NPHP4: variants seen among roughly 807,000 people sequenced by gnomAD.
NPHP4 encodes the protein nephrocystin-4.
NPHP4 carries 151 observed loss-of-function variants against 155.8 expected under a neutral mutation model. The ratio of observed to expected loss-of-function variants is 0.97; its 90% CI spans 0.85 to 1.11. The LOEUF is 1.11. NPHP4 is among the 50% of genes least tolerant of loss of function. The pLI, the probability that NPHP4 is intolerant of heterozygous loss-of-function variation, is 0.00. For missense variants in NPHP4, 1,956 were observed against 1,925.7 expected, an observed-to-expected ratio of 1.02 and a Z score of -0.29; for synonymous variants, 845 against 816.8, an observed-to-expected ratio of 1.03 and a Z score of -0.59.
chr1:5,960,871 G>A (rs72859122), intron 6 of NPHP4, among the ~76,000 whole-genome samples: 8,096 of 152,096 alleles, frequency 0.053, 695 homozygotes, highest in African/African-American at 0.18. Flanking sequence ...CCTTTAACAC[G>A]AATTTCAGTT....
chr1:5,956,077 G>C (rs963615061), intron 6 of NPHP4, among the ~76,000 whole-genome samples: 3 of 149,796 alleles, frequency 2.0e-5, no homozygotes, highest in Admixed American at 2.0e-4. Flanking sequence ...GGGGGTGCAG[G>C]GAGGGATGAC....
chr1:5,949,136 TA>T (rs1647387824), intron 7 of NPHP4, among the ~76,000 whole-genome samples: 1 of 152,098 alleles, frequency 6.6e-6, no homozygotes, highest in Non-Finnish European at 1.5e-5. Flanking sequence ...TGGGACTGTA[TA>T]AAATTCAACA....
In NPHP4 at chr1:5,905,236, T is replaced by C; in HGVS notation, c.1955+56A>G. 7.0e-7 allele frequency: 1 copy of C among 1,437,828 alleles called. No homozygotes were observed. Among genetic ancestry groups the C allele is most frequent in the South Asian group, 1.1e-5 (1 of 87,560 alleles). The allele number at this position is 1,437,828 out of a possible 1,614,324, so 89.1% of individuals were successfully genotyped here. A position where few individuals can be genotyped will look rare whatever the true frequency, so the allele number is the denominator to read the frequency against. On this transcript the variant is annotated intron_variant, in intron 15 of 29. Transcript: ENST00000378156. This position sits in a 1 kb window ranked among gnomAD's most constrained non-coding sequence, Gnocchi z 4.0. ...CAGGTCAGAACCTCAGCGAAGTTTC[T>C]CTTCAACACAGGAAATGTGAAAGCC... is the stretch of plus-strand genomic sequence containing the variant.
intron 9 of NPHP4, among the ~76,000 whole-genome samples, chr1:5,939,845 T>G (rs1646733706): frequency 6.6e-6 from 1 of 152,142 alleles, no homozygotes; most frequent in Admixed American, 6.5e-5. Flanking sequence ...CAAGAAGCTT[T>G]CTTTCATTAC....
chr1:5,897,842 G>T (rs1367006902), intron 16 of NPHP4, among the ~76,000 whole-genome samples: 1 of 152,196 alleles, frequency 6.6e-6, no homozygotes, highest in Non-Finnish European at 1.5e-5. Flanking sequence ...TTTAAGAGAT[G>T]CACGTTGCTT....
chr1:5,873,217 C>A (rs1206505780), intron 23 of NPHP4, 35 bp downstream of exon 23: 1 of 1,551,394 alleles, frequency 6.4e-7, no homozygotes, highest in Non-Finnish European at 8.9e-7. Flanking sequence ...ACCCAGGAAG[C>A]CCCGAGATCA....
chr1:5,866,478 C>A lies in NPHP4; in HGVS notation c.3559-20G>T. The A allele has an allele frequency of 2.1e-6, 3 of 1,449,038 alleles. No homozygotes were observed. The highest frequency in any genetic ancestry group is 1.8e-5 in the Admixed American group (1 of 55,088). 89.8% of individuals were successfully genotyped at this position (1,449,038 alleles called of 1,614,324 possible). A position where few individuals can be genotyped will look rare whatever the true frequency, so the allele number is the denominator to read the frequency against. ...GGGGCCCTGCCAACCAGATGTGCAGCACATCAGGGCACACAGTGCTCTGCC... is the reference window on the plus strand; with the variant it reads ...GGGGCCCTGCCAACCAGATGTGCAGAACATCAGGGCACACAGTGCTCTGCC... On this transcript the variant is annotated intron_variant, in intron 25 of 29. Coordinates refer to ENST00000378156, the MANE Select transcript of NPHP4 (RefSeq NM_015102.5).
At chr1:5,951,081 G>C (rs1647898812) in intron 7 of NPHP4, among the ~76,000 whole-genome samples, 1 of 152,308 alleles carries the variant, frequency 6.6e-6, no homozygotes, top group African/African-American at 2.4e-5. Flanking sequence ...GTTTAGAGAT[G>C]CATCGATAGG....
rs541005507 is a variant in NPHP4, at chr1:5,890,388, T to C, written c.2304+480A>G. On this transcript the variant is annotated intron_variant, in intron 17 of 29. Transcript: ENST00000378156. The surrounding 1 kb of genome is among the most constrained non-coding windows in gnomAD (Gnocchi z 4.9). ...GAATCCATGGATTTAGGTTTTAGTATACAAGGAGAATGGAAAAGGACAATT... is the reference window on the plus strand; with the variant it reads ...GAATCCATGGATTTAGGTTTTAGTACACAAGGAGAATGGAAAAGGACAATT... 3.9e-5 allele frequency among the ~76,000 whole-genome samples: 6 copies of C among 152,098 alleles called. No homozygotes were observed. Among genetic ancestry groups the C allele is most frequent in the Admixed American group, 1.3e-4 (2 of 15,276 alleles).
Position 5,933,280 on chromosome 1 carries a change from C to A in NPHP4, c.1169G>T (p.Arg390Leu), listed in dbSNP as rs146637048. The change falls in exon 10 of 30, where the codon CGC (arginine) becomes CTC (leucine). Residue 390 changes from arginine to leucine, a missense_variant. By Grantham distance (102) the Arg-to-Leu change is moderately radical (BLOSUM62 -2). Coordinates refer to ENST00000378156, the MANE Select transcript of NPHP4 (RefSeq NM_015102.5). ...LSNLACMHMV[R>L]WAVWNPLLEA... is the part of the protein sequence containing the mutation. ...CAGCAAGGGGTTCCAAACAGCCCAG[C>A]GGACCATGTGCATGCATGCCAGGTT... The A allele has an allele frequency of 1.2e-6, 2 of 1,613,630 alleles. No homozygotes were observed. The highest frequency in any genetic ancestry group is 1.7e-6 in the Non-Finnish European group (2 of 1,179,820).
chr1:5,913,842 C>G (rs1487747535), intron 11 of NPHP4, among the ~76,000 whole-genome samples: 1 of 152,204 alleles, frequency 6.6e-6, no homozygotes, highest in East Asian at 1.9e-4. Context: ...CTTCCTCCAC[C>G]CCGAAGGAGA....
In NPHP4 at chr1:5,947,136, C is replaced by T. The variant is rs373624347; in HGVS notation, c.1087G>A (p.Val363Met). ...TCCACTCCTGCAGGGCTGCTGAACA[C>T]GTACTCCAGCTGGAAGATGACCGCA... ...AFAVIFQLEY[V>M]FSSPAGVDGN... The change falls in exon 9 of 30, where the codon GTG (valine) becomes ATG (methionine). Residue 363 changes from valine to methionine, a missense_variant. Val to Met is a conservative substitution (Grantham distance 21, BLOSUM62 1). Transcript: ENST00000378156. The T allele has an allele frequency of 1.4e-5, 23 of 1,613,876 alleles. No individual in the cohort carries two copies. Among genetic ancestry groups the T allele is most frequent in the South Asian group, 4.4e-5 (4 of 91,088 alleles).
intron 25 of NPHP4, 61 bp downstream of exon 25, chr1:5,866,969 C>T (rs1641296644): frequency 3.0e-6 from 4 of 1,332,998 alleles, no homozygotes; most frequent in Admixed American, 1.8e-5. Context: ...GTGGGGAAGC[C>T]GACAGGGGCG....
chr1:5,887,208 C>T, intron 18 of NPHP4, 78 bp downstream of exon 18: 3 of 1,370,876 alleles, frequency 2.2e-6, no homozygotes, highest in Non-Finnish European at 3.0e-6. Flanking sequence ...TGATGTGGCC[C>T]CTGCCCGAGG....
rs191105752 is a variant in NPHP4 at position 5,928,997 on chromosome 1, T to C, written c.1303-1210A>G. ...ACAACTAGCAAAAGGACAGTTTTAT[T>C]GTTTTCAGCATACAGATCCCCTAAC... is the stretch of plus-strand genomic sequence containing the variant. On this transcript the variant is annotated intron_variant, in intron 10 of 29. Transcript: ENST00000378156. Among the ~76,000 whole-genome samples, 643 of 152,278 alleles carry C rather than the reference T, an allele frequency of 4.2e-3. 2 individuals are homozygous for C. The highest frequency in any genetic ancestry group is 7.8e-3 in the Non-Finnish European group (532 of 68,024).
chr1:5,926,254 G>A (rs1645999676), intron 11 of NPHP4, among the ~76,000 whole-genome samples: 1 of 152,178 alleles, frequency 6.6e-6, no homozygotes, highest in Non-Finnish European at 1.5e-5. Context: ...TCTATGAAAA[G>A]AAGGAAAATA....
chr1:5,931,488 C>T (rs1017484716), intron 10 of NPHP4, among the ~76,000 whole-genome samples: 3 of 151,700 alleles, frequency 2.0e-5, no homozygotes, highest in African/African-American at 7.3e-5. Flanking sequence ...ATCTGCAATC[C>T]CAGCACTTTG....
chr1:5,948,071 T>C lies in NPHP4; in HGVS notation c.991A>G (p.Ser331Gly), dbSNP rs370582651. 7 of 1,612,144 alleles carry C rather than the reference T, an allele frequency of 4.3e-6. No homozygotes were observed. Among genetic ancestry groups the C allele is most frequent in the South Asian group, 3.3e-5 (3 of 91,026 alleles). Residue 331 changes from serine to glycine, a missense_variant and splice_region_variant, in exon 8 of 30, where the codon AGC becomes GGC. Physicochemically the swap from Ser to Gly is moderately conservative, Grantham distance 56. Coordinates refer to ENST00000378156, the MANE Select transcript of NPHP4 (RefSeq NM_015102.5). ...SRKVVSSSKT[S>G]SGSQALVLRS... Reference sequence around the variant, plus strand: ...CCCTGGGGACCCAAGAGACAATACCTGGTCTTGGAAGAGGAGACCACTTTC... The same window carrying C: ...CCCTGGGGACCCAAGAGACAATACCCGGTCTTGGAAGAGGAGACCACTTTC...
At position 5,890,647 on chromosome 1, in the gene NPHP4, C is replaced by T. The variant is rs1644073222; in HGVS notation, c.2304+221G>A. 1.3e-5 allele frequency among the ~76,000 whole-genome samples: 2 copies of T among 152,184 alleles called. No individual in the cohort carries two copies. Among genetic ancestry groups the T allele is most frequent in the Admixed American group, 1.3e-4 (2 of 15,282 alleles). The stretch of plus-strand genomic sequence containing the variant: ...TAACTGAGTTTGATCTTAAGAGTTT[C>T]TTGAGCAAACAACTAGCATTATAGA... On this transcript the variant is annotated intron_variant, in intron 17 of 29. Coordinates refer to ENST00000378156, the MANE Select transcript of NPHP4 (RefSeq NM_015102.5). The surrounding 1 kb of genome is among the most constrained non-coding windows in gnomAD (Gnocchi z 4.9).
Sources: gnomAD v4.1 joint callset for allele counts (sites outside exome capture counted in the v4.1 genomes callset) on GRCh38, gnomAD v4.1.1 for gene constraint, Gnocchi (gnomAD v3.1) non-coding constraint, MANE v1.5 for transcripts, NCBI Gene and HGNC (gene_info 2026-07-23, HGNC 2026-07-21) for gene names.